The following FRMPD4 variants were observed in gnomAD, a reference collection of about 807,000 sequenced individuals.
The protein encoded by FRMPD4 is FERM and PDZ domain-containing protein 4.
In FRMPD4, 22 loss-of-function variants were observed where a neutral mutation model predicts 94.1. The ratio of observed to expected loss-of-function variants is 0.23; its 90% CI spans 0.17 to 0.33. FRMPD4 has a LOEUF of 0.33. Among genes scored for constraint, FRMPD4 ranks in the 10% least tolerant of loss-of-function variants. FRMPD4 has a pLI of 1.00. For synonymous variants in FRMPD4, 631 were observed against 548.6 expected (o/e 1.15, Z -2.10); for missense variants, 1,111 against 1,339.9 (o/e 0.83, Z 2.67).
chrX:12,693,327 T>C (rs2060095924), intron 8 of FRMPD4, among the ~76,000 whole-genome samples: 1 of 112,229 alleles, frequency 8.9e-6, no homozygotes, highest in South Asian at 3.7e-4. Flanking sequence ...GAGTCCAATG[T>C]CTTTCATTCA....
At chrX:12,062,816 G>A (rs977292191) in intron 3 of FRMPD4, among the ~76,000 whole-genome samples, 1 of 111,665 alleles carries the variant, frequency 9.0e-6, no homozygotes, top group African/African-American at 3.3e-5. Flanking sequence ...TAGTTTTACT[G>A]ATTTTTCTAT....
At chrX:11,838,593 C>T (rs2053515324) in intron 1 of FRMPD4, among the ~76,000 whole-genome samples, 1 of 111,070 alleles carries the variant, frequency 9.0e-6, no homozygotes, top group South Asian at 3.8e-4. Context: ...TCCATTACCC[C>T]CAAAATTTCC....
At chrX:12,656,884 C>T (rs965409277) in intron 4 of FRMPD4, among the ~76,000 whole-genome samples, 4 of 110,587 alleles carry the variant, frequency 3.6e-5, no homozygotes, top group Middle Eastern at 4.2e-3. Flanking sequence ...AGGCTGGGAG[C>T]GAGACCAGCC....
At chrX:11,983,600 A>G (rs1173752259) in intron 3 of FRMPD4, among the ~76,000 whole-genome samples, 1 of 111,452 alleles carries the variant, frequency 9.0e-6, no homozygotes, top group Non-Finnish European at 1.9e-5. Flanking sequence ...TGTTCAATAT[A>G]TTTATTATAT....
chrX:12,331,922 T>A (rs1203854178), intron 1 of FRMPD4, among the ~76,000 whole-genome samples: 2 of 44,759 alleles, frequency 4.5e-5, no homozygotes, highest in African/African-American at 2.0e-4. Context: ...ATATATATAT[T>A]TATATACTAT....
At chrX:12,150,287 C>T (rs904319222) in intron 1 of FRMPD4, among the ~76,000 whole-genome samples, 1 of 111,901 alleles carries the variant, frequency 8.9e-6, no homozygotes, top group Non-Finnish European at 1.9e-5. Context: ...TGCTTCTGTA[C>T]GTCATTCATC....
intron 3 of FRMPD4, among the ~76,000 whole-genome samples, chrX:12,107,248 C>A (rs2055307755): frequency 8.9e-6 from 1 of 112,032 alleles, no homozygotes; most frequent in Non-Finnish European, 1.9e-5. Flanking sequence ...CAGCAATATT[C>A]ACTGTTCTGC....
At chrX:12,252,069 G>C (rs2054047939) in intron 1 of FRMPD4, among the ~76,000 whole-genome samples, 1 of 112,306 alleles carries the variant, frequency 8.9e-6, no homozygotes, top group Non-Finnish European at 1.9e-5. Flanking sequence ...GGAGCCTTAT[G>C]TTTAGATAAT....
intron 1 of FRMPD4, among the ~76,000 whole-genome samples, chrX:12,463,762 T>C (rs73436785): frequency 0.017 from 1,760 of 100,657 alleles, 47 homozygotes; most frequent in African/African-American, 0.061. Flanking sequence ...TAGGAGATGA[T>C]TCCAGGAAGC....
At chrX:12,187,810 T>A (rs779618737) in intron 1 of FRMPD4, among the ~76,000 whole-genome samples, 2 of 111,912 alleles carry the variant, frequency 1.8e-5, no homozygotes, top group Non-Finnish European at 3.8e-5. Context: ...TTTGTGTGTA[T>A]ACACTAGGTA....
At chrX:12,378,716 G>A (rs747886435) in intron 1 of FRMPD4, among the ~76,000 whole-genome samples, 2 of 112,105 alleles carry the variant, frequency 1.8e-5, no homozygotes, top group Admixed American at 9.4e-5. Context: ...TTGGCCAATG[G>A]ATCAGTAGAG....
chrX:12,089,316 C>T (rs1349036922), intron 3 of FRMPD4, among the ~76,000 whole-genome samples: 2 of 111,757 alleles, frequency 1.8e-5, no homozygotes, highest in Non-Finnish European at 3.8e-5. Context: ...GAGAGTAAAC[C>T]AAGGAGTGGA....
chrX:12,430,943 A>G (rs1253534939), intron 1 of FRMPD4, among the ~76,000 whole-genome samples: 1 of 112,692 alleles, frequency 8.9e-6, no homozygotes, highest in African/African-American at 3.2e-5. Flanking sequence ...TTCCAATAAC[A>G]TTCAGGCTTC....
intron 4 of FRMPD4, among the ~76,000 whole-genome samples, chrX:12,615,588 G>A (rs2059228262): frequency 9.0e-6 from 1 of 111,266 alleles, no homozygotes; most frequent in African/African-American, 3.3e-5. Flanking sequence ...TGAAGAAGCT[G>A]GGCCTATCAT....
rs767573090 is a variant in FRMPD4 at position 12,716,317 on chromosome X, G to A, written c.1858G>A (p.Ala620Thr). 4.1e-6 allele frequency: 5 copies of A among 1,210,903 alleles called. No homozygotes were observed. Among genetic ancestry groups the A allele is most frequent in the Non-Finnish European group, 5.6e-6 (5 of 894,623 alleles). ...CCAGCCCGGGGAGGCCCCCTGTGAG[G>A]CAGACTACAGAAGTCTAGCTCAGCG... The part of the protein sequence containing the change: ...LSQPGEAPCE[A>T]DYRSLAQRSL... The change falls in exon 15 of 17, where the codon GCA becomes ACA. Residue 620 changes from alanine (A) to threonine (T), a missense_variant. Transcript: ENST00000675598.
chrX:12,386,488 C>A (rs1009289756), intron 1 of FRMPD4, among the ~76,000 whole-genome samples: 3 of 112,132 alleles, frequency 2.7e-5, no homozygotes, highest in African/African-American at 9.7e-5. Flanking sequence ...GTCTATCTAA[C>A]CCTCTCAGAG....
intron 2 of FRMPD4, among the ~76,000 whole-genome samples, chrX:12,573,605 G>T (rs1454129402): frequency 1.8e-5 from 2 of 112,290 alleles, no homozygotes; most frequent in African/African-American, 6.5e-5. Flanking sequence ...ATTCTCTTGC[G>T]TTTATAAGTT....
intron 13 of FRMPD4, 101 bp from the exon 14 acceptor site, chrX:12,710,298 T>C (rs2041960194): frequency 1.4e-6 from 1 of 703,407 alleles, no homozygotes; most frequent in Admixed American, 3.1e-5. Flanking sequence ...GAAATGTTTG[T>C]TCAATAACTC....
intron 3 of FRMPD4, among the ~76,000 whole-genome samples, chrX:12,040,433 T>C (rs762915421): frequency 2.7e-5 from 3 of 109,967 alleles, no homozygotes; most frequent in Non-Finnish European, 5.7e-5. Flanking sequence ...ATATTTCTCT[T>C]GTAGACATCA....
Sources: allele counts gnomAD v4.1 joint callset (sites outside exome capture counted in the v4.1 genomes callset), GRCh38; gene constraint gnomAD v4.1.1; transcripts MANE v1.5; gene names NCBI Gene and HGNC (gene_info 2026-07-23, HGNC 2026-07-21).